PELI1: variants seen among roughly 807,000 people sequenced by gnomAD.
The protein encoded by PELI1 is pellino E3 ubiquitin protein ligase 1.
In PELI1, 15 loss-of-function variants were observed where a neutral mutation model predicts 41.3. The ratio of observed to expected loss-of-function variants is 0.36; its 90% CI spans 0.24 to 0.56. The LOEUF is 0.56. Among genes scored for constraint, PELI1 ranks in the 20% least tolerant of loss-of-function variants. PELI1 has a pLI of 0.82. For missense variants in PELI1, 403 were observed against 525.5 expected (o/e 0.77, Z 2.28); for synonymous variants, 178 against 180.1 (o/e 0.99, Z 0.09).
intron 1 of PELI1, among the ~76,000 whole-genome samples, chr2:64,119,298 A>T (rs1177972247): frequency 6.6e-6 from 1 of 152,236 alleles, no homozygotes. Flanking sequence ...ATTATGCTTC[A>T]AATTATTCCC....
At chr2:64,128,061 C>T (rs960152425) in intron 1 of PELI1, among the ~76,000 whole-genome samples, 3 of 152,114 alleles carry the variant, frequency 2.0e-5, no homozygotes, top group Admixed American at 6.5e-5. Flanking sequence ...AAAAAAATAT[C>T]AACCAGTTTT....
chr2:64,126,925 A>T (rs531714252), intron 1 of PELI1, among the ~76,000 whole-genome samples: 1 of 152,336 alleles, frequency 6.6e-6, no homozygotes, highest in East Asian at 1.9e-4. Flanking sequence ...GAGTTTGGTT[A>T]GGAGATAAAT....
chr2:64,119,151 G>A (rs867204245), intron 1 of PELI1, among the ~76,000 whole-genome samples: 2 of 152,048 alleles, frequency 1.3e-5, no homozygotes, highest in South Asian at 4.2e-4. Context: ...TATTCTCTAA[G>A]AACACAAAAG....
At chr2:64,102,441 T>C (rs1398662629) in intron 3 of PELI1, among the ~76,000 whole-genome samples, 1 of 152,056 alleles carries the variant, frequency 6.6e-6, no homozygotes, top group Non-Finnish European at 1.5e-5. Flanking sequence ...GGCAGGAAAA[T>C]GGCACACTAC....
At chr2:64,142,653 T>A (rs1352628578) in intron 1 of PELI1, among the ~76,000 whole-genome samples, 1 of 152,226 alleles carries the variant, frequency 6.6e-6, no homozygotes, top group Non-Finnish European at 1.5e-5. Flanking sequence ...TTGAGACATG[T>A]AAATCTTATC....
chr2:64,104,833 G>A lies in PELI1; in HGVS notation c.72-3C>T, dbSNP rs755512051. 1.2e-6 allele frequency: 2 copies of A among 1,603,572 alleles called. No homozygotes were observed. The highest frequency in any genetic ancestry group is 1.7e-6 in the Non-Finnish European group (2 of 1,176,062). ...CATTTGGGAGAGACCCATTATACCT[G>A]ATGGGGGAAAAAAAGTATAGGTGAT... is the stretch of plus-strand genomic sequence containing the variant. On this transcript the variant is annotated splice_region_variant and splice_polypyrimidine_tract_variant and intron_variant, in intron 2 of 6. Transcript: ENST00000358912.
intron 3 of PELI1, among the ~76,000 whole-genome samples, chr2:64,102,167 A>G (rs905585340): frequency 3.3e-5 from 5 of 152,054 alleles, no homozygotes; most frequent in African/African-American, 1.2e-4. Flanking sequence ...GATACAATTG[A>G]GGCTGCCTAC....
intron 1 of PELI1, among the ~76,000 whole-genome samples, chr2:64,140,804 C>CAAAAAAAAAAAAAA (rs200569281): frequency 9.7e-6 from 1 of 102,608 alleles, no homozygotes; most frequent in Non-Finnish European, 1.8e-5. Flanking sequence ...AAAAAACAAA[C>CAAAAAAAAAAAAAA]AAACAAAAAA....
chr2:64,103,936 A>C (rs1259659881), intron 3 of PELI1, among the ~76,000 whole-genome samples: 2 of 152,338 alleles, frequency 1.3e-5, no homozygotes, highest in East Asian at 3.9e-4. Context: ...TCAGTGTTAT[A>C]AAATTGGAGG....
chr2:64,096,722 G>A, intron 4 of PELI1, 112 bp from the exon 5 acceptor site: 5 of 680,954 alleles, frequency 7.3e-6, no homozygotes, highest in South Asian at 5.8e-5. Flanking sequence ...TTCTAAAGTT[G>A]AAGTTTACCA....
intron 1 of PELI1, among the ~76,000 whole-genome samples, chr2:64,135,473 A>G (rs1681687049): frequency 6.6e-6 from 1 of 152,172 alleles, no homozygotes; most frequent in Non-Finnish European, 1.5e-5. Flanking sequence ...CTACTTTATA[A>G]CCTTAATTCA....
intron 1 of PELI1, among the ~76,000 whole-genome samples, chr2:64,136,188 CT>C (rs1231378648): frequency 6.6e-6 from 1 of 152,048 alleles, no homozygotes; most frequent in East Asian, 1.9e-4. Flanking sequence ...TGAAAAACCA[CT>C]GCCACTTTTT....
At chr2:64,113,634 TTAAAA>T (rs923000398) in intron 1 of PELI1, among the ~76,000 whole-genome samples, 6 of 152,202 alleles carry the variant, frequency 3.9e-5, no homozygotes, top group Non-Finnish European at 8.8e-5. Context: ...AAAAAAAATT[TTAAAA>T]TAAACATATT....
intron 1 of PELI1, among the ~76,000 whole-genome samples, chr2:64,121,009 T>C (rs940949013): frequency 2.0e-5 from 3 of 152,226 alleles, no homozygotes; most frequent in African/African-American, 7.2e-5. Flanking sequence ...CAGCATTCGG[T>C]AACTGTCCCA....
At chr2:64,123,238 T>C (rs1247234944) in intron 1 of PELI1, among the ~76,000 whole-genome samples, 2 of 152,226 alleles carry the variant, frequency 1.3e-5, no homozygotes, top group Non-Finnish European at 2.9e-5. Flanking sequence ...AGGCATACCA[T>C]GGAGATTTGT....
chr2:64,122,928 T>C (rs1298324424), intron 1 of PELI1, among the ~76,000 whole-genome samples: 1 of 152,192 alleles, frequency 6.6e-6, no homozygotes, highest in Non-Finnish European at 1.5e-5. Context: ...CATTTTATAA[T>C]AGATGAGAAA....
At chr2:64,099,334 A>G (rs1680348554) in intron 4 of PELI1, among the ~76,000 whole-genome samples, 2 of 152,292 alleles carry the variant, frequency 1.3e-5, no homozygotes, top group Admixed American at 1.3e-4. Flanking sequence ...GATTTTAAAA[A>G]AAAGCTAAGC....
At chr2:64,095,294 A>T in intron 6 of PELI1, 26 bp from the exon 7 acceptor site, 2 of 1,518,540 alleles carry the variant, frequency 1.3e-6, no homozygotes, top group Non-Finnish European at 1.8e-6. Flanking sequence ...GTTGAAAAAC[A>T]TATTCACCAC....
intron 4 of PELI1, among the ~76,000 whole-genome samples, chr2:64,098,496 T>C (rs1211011706): frequency 6.6e-6 from 1 of 152,186 alleles, no homozygotes; most frequent in African/African-American, 2.4e-5. Context: ...TAGAATGCTT[T>C]TCTACCGGTT....
Sources: gnomAD v4.1 joint callset for allele counts (sites outside exome capture counted in the v4.1 genomes callset) on GRCh38, gnomAD v4.1.1 for gene constraint, MANE v1.5 for transcripts, NCBI Gene and HGNC (gene_info 2026-07-23, HGNC 2026-07-21) for gene names.